Variants in EDIL3 observed in about 807,000 individuals in gnomAD.
EDIL3 encodes the protein EGF-like repeat and discoidin I-like domain-containing protein 3.
Under a neutral mutation model 67.4 loss-of-function variants are expected in EDIL3, and 37 were observed. That is an observed-to-expected ratio of 0.55 (90% CI 0.42 to 0.72). The LOEUF is 0.72. EDIL3 is among the 30% of genes least tolerant of loss of function. The pLI is 0.00. For missense variants in EDIL3, 527 were observed against 586.3 expected (o/e 0.90, Z 1.04); for synonymous variants, 195 against 196.3 (o/e 0.99, Z 0.05).
rs1308559374 is a variant in EDIL3, at chr5:83,941,804, C to T, written c.*1615G>A. ...TGGCCAGCCAGTCCCCTTAGACGAA[C>T]TAATTTTGTTCTTATTAAAAATGCC... On this transcript the variant is annotated 3_prime_UTR_variant, in exon 11 of 11. Transcript: ENST00000296591. The T allele has an allele frequency of 2.6e-5, 4 of 151,952 alleles. No individual in the cohort carries two copies. The highest frequency in any genetic ancestry group is 1.5e-5 in the Non-Finnish European group (1 of 67,932). The allele number at this position is 151,952 out of a possible 1,614,324, so 9.4% of individuals were successfully genotyped here.
chr5:84,339,296 C>T (rs1232470075), intron 1 of EDIL3, among the ~76,000 whole-genome samples: 1 of 152,088 alleles, frequency 6.6e-6, no homozygotes, highest in East Asian at 1.9e-4. Flanking sequence ...GGGTTGGATG[C>T]ATTAATAAAT....
At chr5:84,206,295 T>C in intron 3 of EDIL3, among the ~76,000 whole-genome samples, 1 of 152,154 alleles carries the variant, frequency 6.6e-6, no homozygotes, top group East Asian at 1.9e-4. Flanking sequence ...TTATAATTTC[T>C]GTTCTTTTAC....
At chr5:83,986,956 T>C (rs1354193161) in intron 9 of EDIL3, among the ~76,000 whole-genome samples, 1 of 152,086 alleles carries the variant, frequency 6.6e-6, no homozygotes, top group Admixed American at 6.6e-5. Context: ...GAAGGGACTT[T>C]CTTAGTAACG....
At chr5:84,077,033 G>A (rs60138440) in intron 6 of EDIL3, among the ~76,000 whole-genome samples, 1 of 152,126 alleles carries the variant, frequency 6.6e-6, no homozygotes, top group Non-Finnish European at 1.5e-5. Flanking sequence ...TAAAATAATA[G>A]AATTAGTTAT....
intron 1 of EDIL3, among the ~76,000 whole-genome samples, chr5:84,313,258 A>G (rs1746442021): frequency 6.6e-6 from 1 of 152,228 alleles, no homozygotes; most frequent in South Asian, 2.1e-4. Flanking sequence ...TCCACATTAC[A>G]TTAAGGGGAA....
chr5:84,208,437 T>C (rs1467698379), intron 3 of EDIL3, among the ~76,000 whole-genome samples: 2 of 151,186 alleles, frequency 1.3e-5, no homozygotes, highest in Non-Finnish European at 2.9e-5. Flanking sequence ...CCCAGCACTT[T>C]GGGAGGCCGA....
intron 1 of EDIL3, among the ~76,000 whole-genome samples, chr5:84,309,575 T>A (rs1055319260): frequency 1.3e-5 from 2 of 151,482 alleles, no homozygotes; most frequent in Non-Finnish European, 2.9e-5. Flanking sequence ...TTCCCACCTA[T>A]GAGCGAGAAT....
intron 1 of EDIL3, among the ~76,000 whole-genome samples, chr5:84,270,960 C>T (rs1196474069): frequency 6.6e-6 from 1 of 152,166 alleles, no homozygotes; most frequent in Non-Finnish European, 1.5e-5. Context: ...ATTTATTGTG[C>T]TCCTACTGGA....
chr5:84,249,489 GTCTA>G (rs141697190), intron 2 of EDIL3, among the ~76,000 whole-genome samples: 13,750 of 151,018 alleles, frequency 0.091, 682 homozygotes, highest in Middle Eastern at 0.14. Context: ...ATGTCTGTCT[GTCTA>G]TCTATTTGTC....
At chr5:84,102,647 T>C (rs943798512) in intron 6 of EDIL3, among the ~76,000 whole-genome samples, 2 of 150,112 alleles carry the variant, frequency 1.3e-5, no homozygotes, top group African/African-American at 4.9e-5. Flanking sequence ...GAAAAAACCC[T>C]CCTAGGAATA....
chr5:84,050,229 A>C (rs1746307560), intron 9 of EDIL3, among the ~76,000 whole-genome samples: 1 of 151,724 alleles, frequency 6.6e-6, no homozygotes. Flanking sequence ...AAAATCACAC[A>C]AGAATATTTG....
chr5:84,107,735 A>C (rs1272546424), intron 5 of EDIL3, among the ~76,000 whole-genome samples: 1 of 150,248 alleles, frequency 6.7e-6, no homozygotes, highest in East Asian at 1.9e-4. Context: ...TCCATCCTTA[A>C]AAAATTACAT....
intron 3 of EDIL3, among the ~76,000 whole-genome samples, chr5:84,206,810 AAT>A (rs1267835300): frequency 6.6e-6 from 1 of 152,174 alleles, no homozygotes; most frequent in Non-Finnish European, 1.5e-5. Flanking sequence ...TGATTATCTC[AAT>A]AGATGCAGAA....
chr5:84,189,523 A>G (rs1743536143), intron 3 of EDIL3, among the ~76,000 whole-genome samples: 1 of 152,034 alleles, frequency 6.6e-6, no homozygotes, highest in Admixed American at 6.6e-5. Context: ...AAAGAAAATT[A>G]ATAACCAATC....
At chr5:84,364,673 T>C (rs571826402) in intron 1 of EDIL3, among the ~76,000 whole-genome samples, 1 of 152,112 alleles carries the variant, frequency 6.6e-6, no homozygotes, top group Non-Finnish European at 1.5e-5. Context: ...AAATAATGTT[T>C]TAAATTATGA....
intron 9 of EDIL3, among the ~76,000 whole-genome samples, chr5:84,016,694 A>G (rs1187888604): frequency 6.6e-6 from 1 of 152,224 alleles, no homozygotes; most frequent in Non-Finnish European, 1.5e-5. Context: ...ATATAAAACA[A>G]ATGCATCCCT....
At chr5:84,093,725 T>C (rs1364697932) in intron 6 of EDIL3, among the ~76,000 whole-genome samples, 1 of 147,276 alleles carries the variant, frequency 6.8e-6, no homozygotes, top group Non-Finnish European at 1.5e-5. Context: ...AGTGGCACAG[T>C]CTCAGCTCAC....
At chr5:84,106,226 G>C (rs1331511685) in intron 6 of EDIL3, among the ~76,000 whole-genome samples, 1 of 151,952 alleles carries the variant, frequency 6.6e-6, no homozygotes, top group Non-Finnish European at 1.5e-5. Flanking sequence ...TGCATTTGAG[G>C]TATTGTTATT....
intron 9 of EDIL3, among the ~76,000 whole-genome samples, chr5:84,048,807 G>C (rs10942342): frequency 6.6e-6 from 1 of 151,994 alleles, no homozygotes; most frequent in Non-Finnish European, 1.5e-5. Flanking sequence ...TAAGTTTTTA[G>C]TTAATCCAAG....
Sources: gnomAD v4.1 joint callset for allele counts (sites outside exome capture counted in the v4.1 genomes callset) on GRCh38, gnomAD v4.1.1 for gene constraint, MANE v1.5 for transcripts, NCBI Gene and HGNC (gene_info 2026-07-23, HGNC 2026-07-21) for gene names.